Variants in MTF2 observed in about 807,000 individuals in gnomAD.
MTF2 encodes the protein metal-response element-binding transcription factor 2.
In MTF2, 11 loss-of-function variants were observed where a neutral mutation model predicts 79.5. That is an observed-to-expected ratio of 0.14 (90% CI 0.09 to 0.23). The LOEUF is 0.23. Ranked by LOEUF, MTF2 falls within the 10% of genes least tolerant of loss-of-function variation. The pLI is 1.00. For synonymous variants in MTF2, 208 were observed against 232.8 expected (o/e 0.89, Z 0.97); for missense variants, 486 against 711.2 (o/e 0.68, Z 3.60).
intron 9 of MTF2, chr1:93,121,658 G>A: frequency 1.0e-6 from 1 of 965,034 alleles, no homozygotes; most frequent in Non-Finnish European, 1.2e-6. Context: ...AAATTCAATT[G>A]ATGAATTTTT....
intron 14 of MTF2, among the ~76,000 whole-genome samples, chr1:93,135,522 T>C (rs937800555): frequency 1.3e-5 from 2 of 152,188 alleles, no homozygotes; most frequent in East Asian, 1.9e-4. Flanking sequence ...TTACAAATAT[T>C]GTCTTATTTA....
chr1:93,107,946 A>G (rs1655871031), intron 1 of MTF2, among the ~76,000 whole-genome samples: 1 of 151,864 alleles, frequency 6.6e-6, no homozygotes, highest in South Asian at 2.1e-4. Flanking sequence ...ATGCCCGGCT[A>G]ATTTTTATTT....
At chr1:93,112,464 G>A (rs1656069180) in intron 3 of MTF2, among the ~76,000 whole-genome samples, 1 of 152,162 alleles carries the variant, frequency 6.6e-6, no homozygotes, top group Non-Finnish European at 1.5e-5. Flanking sequence ...AGAGGGTTTT[G>A]AATCTTAGCA....
At chr1:93,101,804 C>G (rs968411312) in intron 1 of MTF2, among the ~76,000 whole-genome samples, 1 of 151,848 alleles carries the variant, frequency 6.6e-6, no homozygotes, top group Non-Finnish European at 1.5e-5. Context: ...TCTTGAACTC[C>G]TGGCCTCAAG....
chr1:93,084,668 T>C (rs557869163), intron 1 of MTF2, among the ~76,000 whole-genome samples: 101 of 152,278 alleles, frequency 6.6e-4, no homozygotes, highest in Non-Finnish European at 1.3e-3. Context: ...TTCTCTGATA[T>C]TATGTAGTTT....
chr1:93,119,863 C>T (rs1043546261), intron 8 of MTF2: 2 of 153,068 alleles, frequency 1.3e-5, no homozygotes, highest in Non-Finnish European at 2.9e-5. Context: ...TAGGATTTAA[C>T]CCATGAATCA....
chr1:93,127,213 G>A lies in MTF2; in HGVS notation c.922-19G>A. ...TGATGAAATTGTAGTGCGTTAAATT[G>A]TTTCTTGATACTTCACAGCTGGCAG... On this transcript the variant is annotated intron_variant, in intron 9 of 14. Transcript: ENST00000370298. 1 of 1,588,746 alleles carries A rather than the reference G, an allele frequency of 6.3e-7. No individual in the cohort carries two copies. The highest frequency in any genetic ancestry group is 1.7e-4 in the Middle Eastern group (1 of 5,994).
chr1:93,100,177 C>T lies in MTF2; in HGVS notation c.6-10053C>T, dbSNP rs543380991. On this transcript the variant is annotated intron_variant, in intron 1 of 14. Transcript: ENST00000370298. ...AAAGAGTTAAAAAAAACCCACTTGC[C>T]TCTGAGAGTAAGACTGGAATATTAG... Among the ~76,000 whole-genome samples the T allele has an allele frequency of 4.6e-5, 7 of 152,240 alleles. No homozygotes were observed. In the South Asian group the frequency reaches 1.5e-3, roughly 32 times the overall value.
chr1:93,100,678 A>G (rs1655494858), intron 1 of MTF2, among the ~76,000 whole-genome samples: 1 of 152,180 alleles, frequency 6.6e-6, no homozygotes, highest in African/African-American at 2.4e-5. Context: ...TCTGTCCTTT[A>G]GGTTCAACCC....
At chr1:93,089,849 C>CTTT (rs368478215) in intron 1 of MTF2, among the ~76,000 whole-genome samples, 4 of 144,178 alleles carry the variant, frequency 2.8e-5, no homozygotes, top group Non-Finnish European at 4.5e-5. Context: ...CTTGATTTTC[C>CTTT]TTTTTTTTTT....
At position 93,101,568 on chromosome 1, in the gene MTF2, G is replaced by GTTTTTTTTTTTTTTTTTTTTTT. The variant is rs71586778; in HGVS notation, c.6-8654_6-8633dup. 1.1e-3 allele frequency among the ~76,000 whole-genome samples: 28 copies of GTTTTTTTTTTTTTTTTTTTTTT among 25,406 alleles called. 13 individuals carry two copies. Among genetic ancestry groups the GTTTTTTTTTTTTTTTTTTTTTT allele is most frequent in the Admixed American group, 1.7e-3 (2 of 1,186 alleles). The allele number at this position is 25,406 out of a possible 152,430, so 16.7% of individuals were successfully genotyped here. The stretch of plus-strand genomic sequence containing the variant: ...TGGTCTTGCCATGTTGCTCAGGCTG[G>GTTTTTTTTTTTTTTTTTTTTTT]TTTTTTTTTTTTTTTTTTTTTTTTT... On this transcript the variant is annotated intron_variant, in intron 1 of 14. Coordinates refer to ENST00000370298, the MANE Select transcript of MTF2 (RefSeq NM_007358.4).
chr1:93,120,301 G>GAA (rs11414632), intron 8 of MTF2: 1,716 of 107,498 alleles, frequency 0.016, 7 homozygotes, highest in South Asian at 0.039. Flanking sequence ...CTGTCTCCAA[G>GAA]AAAAAAAAAA....
intron 11 of MTF2, among the ~76,000 whole-genome samples, chr1:93,132,918 A>G (rs993995902): frequency 2.0e-5 from 3 of 152,106 alleles, no homozygotes; most frequent in African/African-American, 7.2e-5. Context: ...TATCCATATT[A>G]TCTAATATCA....
intron 11 of MTF2, among the ~76,000 whole-genome samples, chr1:93,130,183 T>G (rs1000629954): frequency 6.6e-6 from 1 of 152,124 alleles, no homozygotes; most frequent in African/African-American, 2.4e-5. Context: ...TTGGAAAGAT[T>G]AGGTGGGGCT....
chr1:93,114,898 A>T, intron 4 of MTF2, 90 bp from the exon 5 acceptor site: 2 of 1,218,808 alleles, frequency 1.6e-6, no homozygotes, highest in East Asian at 5.1e-5. Context: ...AATTATATTA[A>T]TGTAGGAAAT....
At chr1:93,135,554 C>T (rs1647355563) in intron 14 of MTF2, among the ~76,000 whole-genome samples, 1 of 151,918 alleles carries the variant, frequency 6.6e-6, no homozygotes, top group African/African-American at 2.4e-5. Context: ...AATTTTTTGG[C>T]TGGGTGTGGT....
chr1:93,089,442 TTCCA>T (rs1557541304), intron 1 of MTF2, among the ~76,000 whole-genome samples: 1 of 152,154 alleles, frequency 6.6e-6, no homozygotes, highest in Non-Finnish European at 1.5e-5. Context: ...AGTTTTAGAG[TTCCA>T]GTGATGAGCA....
intron 1 of MTF2, among the ~76,000 whole-genome samples, chr1:93,101,381 T>C (rs1230091553): frequency 8.4e-6 from 1 of 119,298 alleles, no homozygotes; most frequent in East Asian, 3.8e-4. Context: ...TTTTTTTTTT[T>C]TTTTTTTTTT....
At chr1:93,094,899 A>G (rs1426416585) in intron 1 of MTF2, among the ~76,000 whole-genome samples, 1 of 152,098 alleles carries the variant, frequency 6.6e-6, no homozygotes, top group East Asian at 1.9e-4. Context: ...TTCAGCTGGC[A>G]CCTTACCTGT....
Sources: gnomAD v4.1 joint callset for allele counts (sites outside exome capture counted in the v4.1 genomes callset) on GRCh38, gnomAD v4.1.1 for gene constraint, MANE v1.5 for transcripts, NCBI Gene and HGNC (gene_info 2026-07-23, HGNC 2026-07-21) for gene names.